PTPRD: variants seen among roughly 807,000 people sequenced by gnomAD.
The protein encoded by PTPRD is protein tyrosine phosphatase receptor type D, also known as receptor-type tyrosine-protein phosphatase delta.
A neutral mutation model predicts 214.5 loss-of-function variants in PTPRD; 34 were observed. The observed-to-expected ratio is 0.16, with a 90% confidence interval of 0.12 to 0.21. The LOEUF (loss-of-function observed/expected upper bound fraction) is 0.21, where lower values mean the gene tolerates loss of function less well. Ranked by LOEUF, PTPRD falls within the 10% of genes least tolerant of loss-of-function variation. PTPRD has a pLI of 1.00. For missense variants in PTPRD, 2,545 were observed against 2,398.7 expected (o/e 1.06, Z -1.27); for synonymous variants, 1,128 against 845.7 (o/e 1.33, Z -5.79).
chr9:9,373,291 T>C (rs556167414), intron 9 of PTPRD, among the ~76,000 whole-genome samples: 81 of 152,178 alleles, frequency 5.3e-4, no homozygotes, highest in South Asian at 3.9e-3. Context: ...GTGAGAGAAA[T>C]AAGTCAATTT....
At chr9:8,759,518 A>C (rs1315652054) in intron 11 of PTPRD, among the ~76,000 whole-genome samples, 3 of 151,984 alleles carry the variant, frequency 2.0e-5, no homozygotes, top group African/African-American at 7.3e-5. Context: ...CTGACTTTAC[A>C]TAATAATTTT....
intron 5 of PTPRD, among the ~76,000 whole-genome samples, chr9:9,779,886 C>A (rs908795466): frequency 2.6e-5 from 4 of 152,298 alleles, no homozygotes; most frequent in Non-Finnish European, 4.4e-5. Context: ...TACCATTCAA[C>A]CCAGCAATCC....
At chr9:10,093,184 T>C (rs935721021) in intron 3 of PTPRD, among the ~76,000 whole-genome samples, 3 of 151,200 alleles carry the variant, frequency 2.0e-5, no homozygotes, top group Admixed American at 1.3e-4. Flanking sequence ...TGAGAGAAAA[T>C]ATAAGCAAAC....
At chr9:10,450,257 T>TAA (rs2098831761) in intron 2 of PTPRD, among the ~76,000 whole-genome samples, 4 of 150,836 alleles carry the variant, frequency 2.7e-5, no homozygotes, top group African/African-American at 9.8e-5. Context: ...AAAAAATAAA[T>TAA]AAATAAACAT....
intron 7 of PTPRD, among the ~76,000 whole-genome samples, chr9:9,615,759 T>A (rs752899369): frequency 2.6e-5 from 4 of 152,116 alleles, no homozygotes; most frequent in Non-Finnish European, 5.9e-5. Context: ...TCTAATTTAA[T>A]CCTGACAAAA....
At chr9:8,566,594 A>AG (rs2089317623) in intron 14 of PTPRD, among the ~76,000 whole-genome samples, 2 of 152,190 alleles carry the variant, frequency 1.3e-5, no homozygotes, top group South Asian at 4.1e-4. Flanking sequence ...GTAGATCACC[A>AG]GTAGCTCTCA....
At chr9:10,199,830 T>C (rs1046612379) in intron 3 of PTPRD, among the ~76,000 whole-genome samples, 1 of 151,756 alleles carries the variant, frequency 6.6e-6, no homozygotes, top group African/African-American at 2.4e-5. Flanking sequence ...TAAACATTGA[T>C]ATCATTAAAG....
chr9:10,171,215 C>G (rs919718665), intron 3 of PTPRD, among the ~76,000 whole-genome samples: 3 of 152,154 alleles, frequency 2.0e-5, no homozygotes, highest in African/African-American at 7.2e-5. Flanking sequence ...TATGGTTTGG[C>G]TGTGTCCCCA....
chr9:9,242,498 T>C (rs1159460673), intron 9 of PTPRD, among the ~76,000 whole-genome samples: 2 of 152,168 alleles, frequency 1.3e-5, no homozygotes, highest in African/African-American at 2.4e-5. Context: ...GACGTAGATT[T>C]GGTCTTTTCA....
chr9:8,500,168 G>A (rs992657614), intron 24 of PTPRD, among the ~76,000 whole-genome samples: 1 of 151,742 alleles, frequency 6.6e-6, no homozygotes, highest in African/African-American at 2.4e-5. Context: ...AGCACAAAGA[G>A]GTATAGCATT....
intron 11 of PTPRD, among the ~76,000 whole-genome samples, chr9:8,965,273 G>C (rs2099186544): frequency 6.6e-6 from 1 of 151,960 alleles, no homozygotes; most frequent in East Asian, 1.9e-4. Flanking sequence ...TCAGCTACTA[G>C]GGAGGCTGAG....
chr9:10,540,402 T>G (rs1158560668), intron 2 of PTPRD, among the ~76,000 whole-genome samples: 2 of 152,202 alleles, frequency 1.3e-5, no homozygotes, highest in African/African-American at 4.8e-5. Context: ...TCCATTACCC[T>G]CAATTAGTCT....
At chr9:10,506,557 A>G (rs1294096525) in intron 2 of PTPRD, among the ~76,000 whole-genome samples, 1 of 152,146 alleles carries the variant, frequency 6.6e-6, no homozygotes, top group Admixed American at 6.6e-5. Flanking sequence ...ATTATTATGC[A>G]TTGTATACCT....
At position 8,424,568 on chromosome 9, in the gene PTPRD, T is replaced by C. The variant is rs1590056044; in HGVS notation, c.4086+12024A>G. 2.0e-5 allele frequency among the ~76,000 whole-genome samples: 3 copies of C among 152,278 alleles called. No homozygotes were observed. The East Asian group carries it at 5.8e-4, about 29-fold the overall frequency. ...TCACCATCATCCTTGTAAAGCACTA[T>C]CTAGACTCTGAAACTCTATGGAAAG... On this transcript the variant is annotated intron_variant, in intron 35 of 45. Coordinates refer to ENST00000381196, the MANE Select transcript of PTPRD (RefSeq NM_002839.4).
intron 44 of PTPRD, among the ~76,000 whole-genome samples, chr9:8,325,970 A>C (rs200699115): frequency 2.6e-5 from 4 of 152,066 alleles, no homozygotes; most frequent in East Asian, 1.9e-4. Flanking sequence ...AGATTTTGGG[A>C]TGAGATGATG....
At chr9:9,017,127 C>G (rs1589854308) in intron 11 of PTPRD, among the ~76,000 whole-genome samples, 1 of 151,882 alleles carries the variant, frequency 6.6e-6, no homozygotes, top group African/African-American at 2.4e-5. Flanking sequence ...CAACAAAGAC[C>G]CTTTGTTGCG....
intron 3 of PTPRD, among the ~76,000 whole-genome samples, chr9:10,152,818 C>G (rs1260113001): frequency 1.3e-5 from 2 of 151,960 alleles, no homozygotes; most frequent in Non-Finnish European, 2.9e-5. Flanking sequence ...AGAGTGAACT[C>G]CCCCCCTACC....
chr9:10,365,713 A>G (rs929368320), intron 2 of PTPRD, among the ~76,000 whole-genome samples: 1 of 152,146 alleles, frequency 6.6e-6, no homozygotes, highest in African/African-American at 2.4e-5. Flanking sequence ...GGTTTAACCA[A>G]TGGTTTTCTA....
At chr9:8,913,962 G>T (rs187336001) in intron 11 of PTPRD, among the ~76,000 whole-genome samples, 133 of 152,226 alleles carry the variant, frequency 8.7e-4, no homozygotes, top group African/African-American at 3.2e-3. Context: ...TTCTGCCAAT[G>T]CAATGGTGAG....
Sources: allele counts gnomAD v4.1 joint callset (sites outside exome capture counted in the v4.1 genomes callset), GRCh38; gene constraint gnomAD v4.1.1; transcripts MANE v1.5; gene names NCBI Gene and HGNC (gene_info 2026-07-23, HGNC 2026-07-21).